The following MTMR7 variants were observed in gnomAD, a reference collection of about 807,000 sequenced individuals.
The protein encoded by MTMR7 is myotubularin related protein 7.
Under a neutral mutation model 81.2 loss-of-function variants are expected in MTMR7, and 76 were observed. The observed-to-expected ratio is 0.94, with a 90% confidence interval of 0.78 to 1.13. The LOEUF (loss-of-function observed/expected upper bound fraction) is 1.13, where lower values mean the gene tolerates loss of function less well. Among genes scored for constraint, MTMR7 ranks in the 50% most tolerant of loss-of-function variants. The pLI is 0.00. For synonymous variants in MTMR7, 372 were observed against 289.8 expected (o/e 1.28, Z -2.88); for missense variants, 1,044 against 820.0 (o/e 1.27, Z -3.34).
chr8:17,350,893 C>G (rs752777215), intron 4 of MTMR7, among the ~76,000 whole-genome samples: 1 of 152,160 alleles, frequency 6.6e-6, no homozygotes, highest in African/African-American at 2.4e-5. Flanking sequence ...AAGAGTTTAA[C>G]ATGGCCTGTG....
intron 3 of MTMR7, among the ~76,000 whole-genome samples, chr8:17,364,547 C>T (rs527273293): frequency 1.9e-3 from 290 of 152,324 alleles, no homozygotes; most frequent in African/African-American, 6.5e-3. Flanking sequence ...CTGCCTGAGG[C>T]TTTGCAGCCT....
intron 2 of MTMR7, 107 bp from the exon 3 acceptor site, chr8:17,371,306 C>A: frequency 7.8e-7 from 1 of 1,285,128 alleles, no homozygotes; most frequent in Non-Finnish European, 1.1e-6. Flanking sequence ...CGCTCCCCAA[C>A]CTCCAGCTAG....
chr8:17,300,249 G>A, intron 13 of MTMR7, 25 bp from the exon 14 acceptor site: 1 of 1,580,278 alleles, frequency 6.3e-7, no homozygotes, highest in Non-Finnish European at 8.6e-7. Context: ...ACAATTTCAG[G>A]GGAAAAATCA....
intron 10 of MTMR7, among the ~76,000 whole-genome samples, chr8:17,306,731 G>A (rs186205298): frequency 1.3e-5 from 2 of 152,258 alleles, no homozygotes; most frequent in African/African-American, 4.8e-5. Flanking sequence ...ATCAGTTTTA[G>A]AGTTTTCCCA....
At chr8:17,302,391 C>A (rs1439022412) in intron 12 of MTMR7, 111 bp from the exon 13 acceptor site, 62 of 1,244,096 alleles carry the variant, frequency 5.0e-5, no homozygotes, top group Non-Finnish European at 6.3e-5. Context: ...TAACCAAATG[C>A]AAATTTCAGC....
At chr8:17,382,567 C>G (rs1490784116) in intron 1 of MTMR7, among the ~76,000 whole-genome samples, 1 of 152,206 alleles carries the variant, frequency 6.6e-6, no homozygotes, top group Non-Finnish European at 1.5e-5. Context: ...GCACATCCAT[C>G]CGTCCATCCA....
intron 3 of MTMR7, among the ~76,000 whole-genome samples, chr8:17,362,727 C>G (rs1820095962): frequency 6.6e-6 from 1 of 152,176 alleles, no homozygotes; most frequent in African/African-American, 2.4e-5. Flanking sequence ...TTCCTAGGTC[C>G]TCCTATGTCC....
chr8:17,340,630 G>C (rs891320380), intron 6 of MTMR7, among the ~76,000 whole-genome samples: 4 of 152,182 alleles, frequency 2.6e-5, no homozygotes, highest in African/African-American at 9.7e-5. Flanking sequence ...TGAGTGGGAG[G>C]TAAGTGTAAG....
chr8:17,412,614 T>C (rs1281609498), intron 1 of MTMR7, among the ~76,000 whole-genome samples: 1 of 152,212 alleles, frequency 6.6e-6, no homozygotes, highest in African/African-American at 2.4e-5. Flanking sequence ...AAGCTGGTGT[T>C]GTTAAAACAC....
In MTMR7 at chr8:17,333,244, A is replaced by T. The variant is rs138139879; in HGVS notation, c.733-1962T>A. On this transcript the variant is annotated intron_variant, in intron 6 of 13. Transcript: ENST00000180173. ...AAAGAGTTTGGCCTTAATCAAGAAAAAAATATTAAAATAATGCATTTTAAG... is the reference window on the plus strand; with the variant it reads ...AAAGAGTTTGGCCTTAATCAAGAAATAAATATTAAAATAATGCATTTTAAG... Among the ~76,000 whole-genome samples the T allele has an allele frequency of 3.3e-5, 5 of 152,332 alleles. No homozygotes were observed. The East Asian group carries it at 9.6e-4, about 29-fold the overall frequency.
At position 17,300,189 on chromosome 8, in the gene MTMR7, G is replaced by T. The variant is rs1290244212; in HGVS notation, c.1656C>A (p.Cys552Ter). 1 of 1,613,246 alleles carries T rather than the reference G, an allele frequency of 6.2e-7. No homozygotes were observed. The highest frequency in any genetic ancestry group is 8.5e-7 in the Non-Finnish European group (1 of 1,179,466). Residue 552 changes from cysteine (C) to a stop codon, truncating the protein, a stop_gained, in exon 14 of 14, where the codon TGC becomes TGA. Coordinates refer to ENST00000180173, the MANE Select transcript of MTMR7 (RefSeq NM_004686.5). LOFTEE classifies it high-confidence loss of function. ...LEKIQKVQLN[C>*]TKVKSKQSEP... ...CACTTTGCTTACTCTTCACCTTAGT[G>T]CAATTTAACTGGACCTTTTGAATTT...
intron 1 of MTMR7, among the ~76,000 whole-genome samples, chr8:17,404,134 G>T (rs1396065635): frequency 6.6e-6 from 1 of 152,140 alleles, no homozygotes; most frequent in East Asian, 1.9e-4. Context: ...ATAAACTGGT[G>T]GGGGAGTGGC....
At chr8:17,364,486 T>C (rs1448747797) in intron 3 of MTMR7, among the ~76,000 whole-genome samples, 1 of 152,212 alleles carries the variant, frequency 6.6e-6, no homozygotes, top group African/African-American at 2.4e-5. Flanking sequence ...AACTATTACC[T>C]ATACTCAACA....
At chr8:17,303,537 AC>A (rs1477706983) in intron 12 of MTMR7, among the ~76,000 whole-genome samples, 1 of 152,080 alleles carries the variant, frequency 6.6e-6, no homozygotes, top group Non-Finnish European at 1.5e-5. Context: ...GAAAAAACAT[AC>A]GTATCTAGCA....
chr8:17,384,856 A>G (rs531270575), intron 1 of MTMR7, among the ~76,000 whole-genome samples: 3 of 152,366 alleles, frequency 2.0e-5, no homozygotes, highest in South Asian at 4.1e-4. Flanking sequence ...AAAACCATTG[A>G]AAGTCTTTTC....
chr8:17,329,790 A>C (rs1818901022), intron 7 of MTMR7, among the ~76,000 whole-genome samples: 1 of 152,218 alleles, frequency 6.6e-6, no homozygotes, highest in Non-Finnish European at 1.5e-5. Context: ...TCTGCATGAT[A>C]ATCTCCAAAA....
Position 17,413,297 on chromosome 8 carries a change from G to C in MTMR7, c.-5C>G, listed in dbSNP as rs762113529. 6.5e-7 allele frequency: 1 copy of C among 1,545,348 alleles called. No homozygotes were observed. The highest frequency in any genetic ancestry group is 2.0e-5 in the Admixed American group (1 of 50,672). On this transcript the variant is annotated 5_prime_UTR_variant, in exon 1 of 14. Transcript: ENST00000180173. Reference sequence around the variant, plus strand: ...GGGCGTACGGATGTGCTCCATGGCTGGCCCACGTCTGCAGGGTCCCGGGCG... The same window carrying C: ...GGGCGTACGGATGTGCTCCATGGCTCGCCCACGTCTGCAGGGTCCCGGGCG...
At chr8:17,371,009 T>C (rs771951577) in intron 3 of MTMR7, 28 bp downstream of exon 3, 3 of 1,599,074 alleles carry the variant, frequency 1.9e-6, no homozygotes, top group South Asian at 1.1e-5. Flanking sequence ...AGAGGTTCCA[T>C]ATTAAATGCC....
At chr8:17,372,768 C>G (rs78187403) in intron 2 of MTMR7, among the ~76,000 whole-genome samples, 2,203 of 152,150 alleles carry the variant, frequency 0.014, 56 homozygotes, top group East Asian at 0.075. Flanking sequence ...TTACAGGACC[C>G]TGCAAATAGA....
Sources: gnomAD v4.1 joint callset for allele counts (sites outside exome capture counted in the v4.1 genomes callset) on GRCh38, gnomAD v4.1.1 for gene constraint, MANE v1.5 for transcripts, NCBI Gene and HGNC (gene_info 2026-07-23, HGNC 2026-07-21) for gene names.